The following OS9 variants were observed in gnomAD, a reference collection of about 807,000 sequenced individuals.
OS9 encodes protein OS-9.
Under a neutral mutation model 84.7 loss-of-function variants are expected in OS9, and 58 were observed. The ratio of observed to expected loss-of-function variants is 0.68; its 90% CI spans 0.55 to 0.85. OS9 has a LOEUF of 0.85. Among genes scored for constraint, OS9 ranks in the 40% least tolerant of loss-of-function variants. The pLI, the probability that OS9 is intolerant of heterozygous loss-of-function variation, is 0.00. For synonymous variants in OS9, 278 were observed against 320.8 expected (o/e 0.87, Z 1.43); for missense variants, 760 against 850.9 (o/e 0.89, Z 1.33).
chr12:57,703,797 C>CT (rs1318190519), intron 5 of OS9, among the ~76,000 whole-genome samples: 2 of 151,626 alleles, frequency 1.3e-5, no homozygotes, highest in Non-Finnish European at 2.9e-5. Flanking sequence ...CATTGGATGC[C>CT]TTTCATTTCT....
At chr12:57,708,430 G>A (rs1196023990) in intron 5 of OS9, among the ~76,000 whole-genome samples, 1 of 151,998 alleles carries the variant, frequency 6.6e-6, no homozygotes, top group Admixed American at 6.6e-5. Flanking sequence ...CCAGTAGTTT[G>A]AGACCAGCCT....
In OS9 at chr12:57,718,255, A is replaced by G. The variant is rs1367258924; in HGVS notation, c.1244A>G (p.Glu415Gly). 6.2e-7 allele frequency: 1 copy of G among 1,614,090 alleles called. No homozygotes were observed. The highest frequency in any genetic ancestry group is 1.3e-5 in the African/African-American group (1 of 74,922). Residue 415 changes from glutamate to glycine, a missense_variant, in exon 11 of 15, where the codon GAA (glutamate) becomes GGA (glycine). By Grantham distance (98) the Glu-to-Gly change is moderately conservative. Coordinates refer to ENST00000315970, the MANE Select transcript of OS9 (RefSeq NM_006812.4). ...GDPERQREME[E>G]EEDEDEDEDE... ...CCAGAACGGCAGAGAGAGATGGAAG[A>G]AGAGGAGGATGAGGATGAGGATGAG...
Position 57,720,981 on chromosome 12 carries a change from C to T in OS9, c.*72C>T. ...ACTGGCTTGCCTCCTCCCCACCTCC[C>T]CACCCTGGAACCCCTGAGGGCCAAA... On this transcript the variant is annotated 3_prime_UTR_variant, in exon 15 of 15. Transcript: ENST00000315970. 6.4e-7 allele frequency: 1 copy of T among 1,567,732 alleles called. No homozygotes were observed. Among genetic ancestry groups the T allele is most frequent in the Non-Finnish European group, 8.8e-7 (1 of 1,142,040 alleles).
At chr12:57,712,071 C>T (rs1954350674) in intron 5 of OS9, among the ~76,000 whole-genome samples, 1 of 152,156 alleles carries the variant, frequency 6.6e-6, no homozygotes, top group Non-Finnish European at 1.5e-5. Context: ...TCTGTGGTTC[C>T]CTGTCTTTGG....
At chr12:57,715,137 G>A (rs1429406723) in intron 5 of OS9, among the ~76,000 whole-genome samples, 2 of 152,148 alleles carry the variant, frequency 1.3e-5, no homozygotes, top group Non-Finnish European at 2.9e-5. Context: ...GCCAAGGTGG[G>A]TGGATCACCT....
intron 2 of OS9, chr12:57,695,434 A>T (rs1953797001): frequency 6.2e-6 from 3 of 484,286 alleles, no homozygotes; most frequent in Admixed American, 2.9e-5. Flanking sequence ...AGTTCAATTA[A>T]TATTTAATTT....
intron 5 of OS9, among the ~76,000 whole-genome samples, chr12:57,701,262 ATTTTTTTTTTTTTTTTTTTT>A: frequency 1.4e-5 from 1 of 71,470 alleles, no homozygotes; most frequent in Middle Eastern, 7.7e-3. Context: ...TGGTTGAGTG[ATTTTTTTTTTTTTTTTTTTT>A]TTTTTTTTTT....
chr12:57,694,733 C>T lies in OS9; in HGVS notation c.163-17C>T. The T allele has an allele frequency of 6.2e-7, 1 of 1,612,886 alleles. No individual in the cohort carries two copies. Among genetic ancestry groups the T allele is most frequent in the East Asian group, 2.2e-5 (1 of 44,876 alleles). On this transcript the variant is annotated splice_polypyrimidine_tract_variant and intron_variant, in intron 1 of 14. Transcript: ENST00000315970. ...TTTCTTTGCTTCCTTGCCCCCCGAC[C>T]CTCCCTTCTTTCCCAGAGCCAATCT... is the stretch of plus-strand genomic sequence containing the variant.
At chr12:57,697,750 C>G (rs1329832276) in intron 5 of OS9, among the ~76,000 whole-genome samples, 1 of 152,072 alleles carries the variant, frequency 6.6e-6, no homozygotes. Flanking sequence ...ACCAGTGGGT[C>G]TCATTGTTCC....
chr12:57,720,855 G>T lies in OS9; in HGVS notation c.1950G>T (p.Val650=). ...QKELESNYRR[V]WGSPGGEGTG... Reference sequence around the variant, plus strand: ...AGCTGGAGAGCAATTACCGCCGGGTGTGGGGCTCTCCAGGTGGGGAGGGCA... The same window carrying T: ...AGCTGGAGAGCAATTACCGCCGGGTTTGGGGCTCTCCAGGTGGGGAGGGCA... The change falls in exon 15 of 15, where the codon GTG becomes GTT. Residue 650 remains valine, a synonymous_variant. Coordinates refer to ENST00000315970, the MANE Select transcript of OS9 (RefSeq NM_006812.4). The T allele has an allele frequency of 1.9e-6, 3 of 1,614,126 alleles. 1 individual carries two copies. Among genetic ancestry groups the T allele is most frequent in the Middle Eastern group, 3.3e-4 (2 of 6,062 alleles).
At chr12:57,705,128 A>G (rs1160002091) in intron 5 of OS9, among the ~76,000 whole-genome samples, 3 of 152,132 alleles carry the variant, frequency 2.0e-5, no homozygotes, top group Non-Finnish European at 4.4e-5. Flanking sequence ...TGTCATTACC[A>G]CGTTGTTTTA....
In OS9 at chr12:57,720,247, G is replaced by A; in HGVS notation, c.1749G>A (p.Glu583=). ...EGLVKELLER[E]GLTAAGKIEI... ...TGGTGAAGGAGCTGCTGGAGAGGGA[G>A]GGACTCACAGCTGCAGGTGGGCCCT... is the stretch of plus-strand genomic sequence containing the variant. The change falls in exon 13 of 15, where the codon GAG becomes GAA. Residue 583 remains glutamate, a synonymous_variant. Coordinates refer to ENST00000315970, the MANE Select transcript of OS9 (RefSeq NM_006812.4). The A allele has an allele frequency of 1.9e-6, 3 of 1,613,938 alleles. No individual in the cohort carries two copies. The highest frequency in any genetic ancestry group is 2.5e-6 in the Non-Finnish European group (3 of 1,179,942).
chr12:57,720,968 C>T lies in OS9; in HGVS notation c.*59C>T. On this transcript the variant is annotated 3_prime_UTR_variant, in exon 15 of 15. Coordinates refer to ENST00000315970, the MANE Select transcript of OS9 (RefSeq NM_006812.4). ...AGACTCTTCCTGGACTGGCTTGCCT[C>T]CTCCCCACCTCCCCACCCTGGAACC... is the stretch of plus-strand genomic sequence containing the variant. 6.3e-7 allele frequency: 1 copy of T among 1,578,736 alleles called. No homozygotes were observed. The highest frequency in any genetic ancestry group is 8.7e-7 in the Non-Finnish European group (1 of 1,150,648).
intron 5 of OS9, among the ~76,000 whole-genome samples, chr12:57,713,411 C>T (rs1954387787): frequency 6.6e-6 from 1 of 152,118 alleles, no homozygotes; most frequent in Admixed American, 6.5e-5. Flanking sequence ...GCAGGGATGA[C>T]AACCTCTGCT....
rs898439699 is a variant in OS9, at chr12:57,695,234, ACT to A, written c.339+311_339+312del. On this transcript the variant is annotated intron_variant, in intron 2 of 14. Transcript: ENST00000315970. ...TGCTAAAGTCACCCCCTGCCCTATC[ACT>A]CTGCTCCAGTATCCTGTTTTATTTT... 1.2e-4 allele frequency: 52 copies of A among 432,868 alleles called. 2 individuals are homozygous for A. The Middle Eastern group carries it at 4.1e-3, about 34-fold the overall frequency. 26.8% of individuals were successfully genotyped at this position (432,868 alleles called of 1,614,324 possible).
At chr12:57,719,996 G>A in intron 12 of OS9, 103 bp from the exon 13 acceptor site, 1 of 1,067,412 alleles carries the variant, frequency 9.4e-7, no homozygotes, top group Non-Finnish European at 1.4e-6. Context: ...AGATGGAAGA[G>A]CTGCCAAAGC....
intron 5 of OS9, among the ~76,000 whole-genome samples, chr12:57,706,974 C>T (rs951087267): frequency 3.3e-5 from 5 of 150,594 alleles, no homozygotes; most frequent in Admixed American, 1.3e-4. Context: ...GATTATAAGA[C>T]TTTTTTGGTT....
rs1424437042 is a variant in OS9 at position 57,695,526 on chromosome 12, A to T, written c.340-254A>T. ...CTTTATGGAGGGCAAATAAGGATTT[A>T]AAAAATCTTTTAAAAGGGAGGAATG... is the stretch of plus-strand genomic sequence containing the variant. On this transcript the variant is annotated intron_variant, in intron 2 of 14. Coordinates refer to ENST00000315970, the MANE Select transcript of OS9 (RefSeq NM_006812.4). The T allele has an allele frequency of 4.4e-6, 3 of 678,122 alleles. No individual in the cohort carries two copies. In the East Asian group the frequency reaches 8.6e-5, roughly 19 times the overall value. 42.0% of individuals were successfully genotyped at this position (678,122 alleles called of 1,614,324 possible).
At chr12:57,711,712 T>C (rs1045325877) in intron 5 of OS9, among the ~76,000 whole-genome samples, 4 of 152,248 alleles carry the variant, frequency 2.6e-5, no homozygotes, top group African/African-American at 4.8e-5. Flanking sequence ...ATTATTCTAC[T>C]GGTTGAAATA....
Sources: allele counts gnomAD v4.1 joint callset (sites outside exome capture counted in the v4.1 genomes callset), GRCh38; gene constraint gnomAD v4.1.1; transcripts MANE v1.5; gene names NCBI Gene and HGNC (gene_info 2026-07-23, HGNC 2026-07-21).